Variants in FBP2 observed in about 807,000 individuals in gnomAD.
The protein encoded by FBP2 is fructose-bisphosphatase 2.
FBP2 carries 27 observed loss-of-function variants against 31.6 expected under a neutral mutation model. The ratio of observed to expected loss-of-function variants is 0.85; its 90% confidence interval spans 0.63 to 1.18. The LOEUF is 1.18. FBP2 is among the 50% of genes most tolerant of loss of function. FBP2 has a pLI of 0.00. For synonymous variants in FBP2, 168 were observed against 179.8 expected (o/e 0.93, Z 0.53); for missense variants, 421 against 436.1 (o/e 0.97, Z 0.31).
intron 1 of FBP2, 87 bp downstream of exon 1, chr9:94,593,470 C>T: frequency 7.6e-7 from 1 of 1,317,540 alleles, no homozygotes; most frequent in South Asian, 1.5e-5. Context: ...GCTTTGGACC[C>T]AGTTTCTTGC....
At chr9:94,589,271 T>C (rs1313585468) in intron 1 of FBP2, among the ~76,000 whole-genome samples, 1 of 152,124 alleles carries the variant, frequency 6.6e-6, no homozygotes, top group Non-Finnish European at 1.5e-5. Flanking sequence ...AGCAAGCGGC[T>C]CTGGTCCTTC....
intron 3 of FBP2, among the ~76,000 whole-genome samples, chr9:94,580,545 C>T (rs183929210): frequency 3.3e-5 from 5 of 152,330 alleles, no homozygotes; most frequent in Non-Finnish European, 7.3e-5. Flanking sequence ...TTTCAATTAT[C>T]ACTCTGGTTA....
In FBP2 at chr9:94,565,112, G is replaced by A. The variant is rs191773578; in HGVS notation, c.706-1651C>T. Among the ~76,000 whole-genome samples, 6 of 152,036 alleles carry A rather than the reference G, an allele frequency of 3.9e-5. No homozygotes were observed. The South Asian group carries it at 8.3e-4, about 21-fold the overall frequency. On this transcript the variant is annotated intron_variant, in intron 5 of 6. Coordinates refer to ENST00000375337, the MANE Select transcript of FBP2 (RefSeq NM_003837.4). ...CAATGGGTCTGGCATGGTGGTTCACGCCTGTAATCCCAGCATTTTGGGAGG... is the reference window on the plus strand; with the variant it reads ...CAATGGGTCTGGCATGGTGGTTCACACCTGTAATCCCAGCATTTTGGGAGG...
intron 6 of FBP2, among the ~76,000 whole-genome samples, chr9:94,560,189 G>A (rs918122142): frequency 6.6e-6 from 1 of 152,194 alleles, no homozygotes; most frequent in African/African-American, 2.4e-5. Flanking sequence ...GCCGAGGGCA[G>A]AAACTGGGTT....
chr9:94,572,042 CT>C (rs2131451217), intron 3 of FBP2, among the ~76,000 whole-genome samples: 1 of 152,272 alleles, frequency 6.6e-6, no homozygotes, highest in African/African-American at 2.4e-5. Flanking sequence ...GCAAAACCAC[CT>C]AAGATTAACA....
intron 1 of FBP2, among the ~76,000 whole-genome samples, chr9:94,590,749 G>C (rs1827488804): frequency 6.6e-6 from 1 of 152,208 alleles, no homozygotes; most frequent in Non-Finnish European, 1.5e-5. Flanking sequence ...TGCTGGTTTA[G>C]GCAGCCTGCT....
At chr9:94,584,446 G>A in intron 3 of FBP2, 131 bp downstream of exon 3, 1 of 641,376 alleles carries the variant, frequency 1.6e-6, no homozygotes, top group Non-Finnish European at 2.8e-6. Flanking sequence ...AAAGTTGGTG[G>A]TTTGCCTACA....
intron 4 of FBP2, 33 bp downstream of exon 4, chr9:94,571,429 C>G (rs1564183342): frequency 1.3e-6 from 2 of 1,571,266 alleles, no homozygotes; most frequent in South Asian, 2.4e-5. Flanking sequence ...CATGGAGTCC[C>G]CAGGCACAGA....
chr9:94,582,293 A>G (rs1827378433), intron 3 of FBP2, among the ~76,000 whole-genome samples: 1 of 152,180 alleles, frequency 6.6e-6, no homozygotes, highest in Non-Finnish European at 1.5e-5. Context: ...ATATGTCAGG[A>G]CCATCTTCAT....
intron 5 of FBP2, 106 bp from the exon 6 acceptor site, chr9:94,563,567 C>T (rs1394305607): frequency 3.2e-6 from 4 of 1,240,826 alleles, no homozygotes; most frequent in Non-Finnish European, 3.4e-6. Flanking sequence ...TTCTTGAATC[C>T]CTATCCTCCA....
rs919022181 is a variant in FBP2 at position 94,563,515 on chromosome 9, C to A, written c.706-54G>T. On this transcript the variant is annotated intron_variant, in intron 5 of 6. Transcript: ENST00000375337. Reference sequence around the variant, plus strand: ...TCCAGTGGCTTTCAGGATTAGCCAGCACCTGCTCGTGGTCACAAGTCCAGT... The same window carrying A: ...TCCAGTGGCTTTCAGGATTAGCCAGAACCTGCTCGTGGTCACAAGTCCAGT... 9 of 1,582,718 alleles carry A rather than the reference C, an allele frequency of 5.7e-6. No individual in the cohort carries two copies. The Admixed American group carries it at 1.6e-4, about 27-fold the overall frequency.
At chr9:94,588,129 G>A (rs1827449459) in intron 1 of FBP2, among the ~76,000 whole-genome samples, 1 of 152,146 alleles carries the variant, frequency 6.6e-6, no homozygotes, top group Non-Finnish European at 1.5e-5. Flanking sequence ...GGGATTACAG[G>A]CATGAGCCAC....
chr9:94,562,755 T>A (rs1827127900), intron 6 of FBP2, among the ~76,000 whole-genome samples: 2 of 152,172 alleles, frequency 1.3e-5, no homozygotes, highest in South Asian at 4.1e-4. Flanking sequence ...CACTTGATAA[T>A]ACAAGTATTT....
At chr9:94,569,675 C>T (rs1827244625) in intron 4 of FBP2, 2 of 152,168 alleles carry the variant, frequency 1.3e-5, no homozygotes, top group East Asian at 1.9e-4. Flanking sequence ...ACCCTGTTAC[C>T]GATTATCAGA....
At position 94,590,734 on chromosome 9, in the gene FBP2, G is replaced by A. The variant is rs1269383727; in HGVS notation, c.170+2823C>T. ...GTGTGGAAAGAGACCCAAACGGGTTGCCGATGCTGGTTTAGGCAGCCTGCT... is the reference window on the plus strand; with the variant it reads ...GTGTGGAAAGAGACCCAAACGGGTTACCGATGCTGGTTTAGGCAGCCTGCT... On this transcript the variant is annotated intron_variant, in intron 1 of 6. Coordinates refer to ENST00000375337, the MANE Select transcript of FBP2 (RefSeq NM_003837.4). 2.6e-5 allele frequency among the ~76,000 whole-genome samples: 4 copies of A among 152,234 alleles called. No homozygotes were observed. The South Asian group carries it at 6.2e-4, about 24-fold the overall frequency.
At chr9:94,572,422 A>G (rs969928538) in intron 3 of FBP2, among the ~76,000 whole-genome samples, 1 of 152,164 alleles carries the variant, frequency 6.6e-6, no homozygotes, top group African/African-American at 2.4e-5. Flanking sequence ...GAAACCTAGA[A>G]CTGGAGTACA....
chr9:94,579,823 TG>T (rs1227116303), intron 3 of FBP2, among the ~76,000 whole-genome samples: 1 of 152,270 alleles, frequency 6.6e-6, no homozygotes, highest in Non-Finnish European at 1.5e-5. Flanking sequence ...TCAACTCTTG[TG>T]ATCTTTTTCC....
intron 1 of FBP2, among the ~76,000 whole-genome samples, chr9:94,587,911 C>T (rs988218094): frequency 2.0e-5 from 3 of 152,002 alleles, no homozygotes; most frequent in African/African-American, 7.3e-5. Context: ...TGCAGTGGCA[C>T]GAACTCTGCT....
chr9:94,558,967 A>G lies in FBP2; in HGVS notation c.991T>C (p.Cys331Arg), dbSNP rs1214487835. ...SPEDVQEYLT[C>R]VQKNQAGS The stretch of plus-strand genomic sequence containing the variant: ...CTGCCTGCCTGATTTTTCTGCACAC[A>G]GGTGAGATATTCCTGCACATCCTCT... The change falls in exon 7 of 7, where the codon TGT (cysteine) becomes CGT (arginine). Residue 331 changes from cysteine to arginine, a missense_variant. Coordinates refer to ENST00000375337, the MANE Select transcript of FBP2 (RefSeq NM_003837.4). 1 of 1,614,000 alleles carries G rather than the reference A, an allele frequency of 6.2e-7. No individual in the cohort carries two copies. Among genetic ancestry groups the G allele is most frequent in the East Asian group, 2.2e-5 (1 of 44,866 alleles).
Sources: gnomAD v4.1 joint callset for allele counts (sites outside exome capture counted in the v4.1 genomes callset) on GRCh38, gnomAD v4.1.1 for gene constraint, MANE v1.5 for transcripts, NCBI Gene and HGNC (gene_info 2026-07-23, HGNC 2026-07-21) for gene names.